The following MMS22L variants were observed in gnomAD, a reference collection of about 807,000 sequenced individuals.
MMS22L encodes MMS22 like, DNA repair protein.
Under a neutral mutation model 159.1 loss-of-function variants are expected in MMS22L, and 74 were observed. The observed-to-expected ratio is 0.47, with a 90% CI of 0.39 to 0.56. The LOEUF (loss-of-function observed/expected upper bound fraction) is 0.56. MMS22L is among the 20% of genes least tolerant of loss of function. The pLI is 0.00. For synonymous variants in MMS22L, 517 were observed against 506.9 expected (o/e 1.02, Z -0.27); for missense variants, 1,351 against 1,422.1 (o/e 0.95, Z 0.80).
intron 14 of MMS22L, among the ~76,000 whole-genome samples, chr6:97,188,090 C>T: frequency 6.6e-6 from 1 of 152,134 alleles, no homozygotes; most frequent in East Asian, 1.9e-4. Context: ...GGCTAGAGAA[C>T]CATTTCAGTT....
chr6:97,224,328 C>A (rs1809986886), intron 14 of MMS22L, among the ~76,000 whole-genome samples: 2 of 152,106 alleles, frequency 1.3e-5, no homozygotes, highest in South Asian at 4.1e-4. Context: ...TACATCATAA[C>A]TCACAATATA....
At chr6:97,206,903 A>G (rs1338825951) in intron 14 of MMS22L, among the ~76,000 whole-genome samples, 1 of 152,174 alleles carries the variant, frequency 6.6e-6, no homozygotes, top group Non-Finnish European at 1.5e-5. Flanking sequence ...GGCAATTTAA[A>G]AGTTTTAAGT....
In MMS22L at chr6:97,282,464, G is replaced by C; in HGVS notation, c.14C>G (p.Ser5Cys). The C allele has an allele frequency of 1.2e-6, 2 of 1,605,278 alleles. No individual in the cohort carries two copies. Among genetic ancestry groups the C allele is most frequent in the Non-Finnish European group, 1.7e-6 (2 of 1,175,174 alleles). ...GTCAGTCAGGAACGTCGATGCAGCA[G>C]AACAGTTCTCCATTGTTTACTTCAT... Reference protein sequence around the residue: MENCSAASTFLTDSL... With the variant: MENCCAASTFLTDSL... Residue 5 changes from serine (S) to cysteine (C), a missense_variant, in exon 2 of 25, where the codon TCT becomes TGT. Coordinates refer to ENST00000683635, the MANE Select transcript of MMS22L (RefSeq NM_001350599.2).
intron 8 of MMS22L, chr6:97,265,873 C>A (rs1815050488): frequency 6.6e-6 from 1 of 152,128 alleles, no homozygotes; most frequent in South Asian, 2.1e-4. Context: ...AGGCACGCAC[C>A]ACCATGCCCG....
intron 15 of MMS22L, among the ~76,000 whole-genome samples, chr6:97,182,669 G>C (rs1469600520): frequency 6.6e-6 from 1 of 152,088 alleles, no homozygotes; most frequent in East Asian, 1.9e-4. Context: ...TATTTATTAA[G>C]AACTCCTATG....
chr6:97,240,832 G>A (rs1811979960), intron 11 of MMS22L, among the ~76,000 whole-genome samples: 1 of 151,854 alleles, frequency 6.6e-6, no homozygotes, highest in African/African-American at 2.4e-5. Flanking sequence ...TCACCATGTT[G>A]GCCAGGCTGG....
chr6:97,167,950 G>T, intron 20 of MMS22L, 121 bp downstream of exon 20: 2 of 838,892 alleles, frequency 2.4e-6, no homozygotes, highest in Non-Finnish European at 1.8e-6. Context: ...CAATAAATGT[G>T]CCACACAAGC....
intron 14 of MMS22L, among the ~76,000 whole-genome samples, chr6:97,192,213 A>G (rs531869580): frequency 3.3e-5 from 5 of 149,776 alleles, no homozygotes; most frequent in Non-Finnish European, 4.4e-5. Flanking sequence ...TGGATGGATG[A>G]ATGAATGAAT....
chr6:97,196,819 T>C (rs1295439874), intron 14 of MMS22L, among the ~76,000 whole-genome samples: 1 of 152,128 alleles, frequency 6.6e-6, no homozygotes, highest in Non-Finnish European at 1.5e-5. Context: ...TTTGCACATA[T>C]ACGAATCTAT....
At chr6:97,203,767 C>T (rs886507855) in intron 14 of MMS22L, among the ~76,000 whole-genome samples, 3 of 152,180 alleles carry the variant, frequency 2.0e-5, no homozygotes, top group Non-Finnish European at 2.9e-5. Flanking sequence ...CCGATTATTA[C>T]AGGGTAACCA....
intron 11 of MMS22L, among the ~76,000 whole-genome samples, chr6:97,243,496 T>A (rs1490754238): frequency 6.6e-6 from 1 of 152,182 alleles, no homozygotes; most frequent in Non-Finnish European, 1.5e-5. Flanking sequence ...GTTATTATTT[T>A]TTAAATTTCT....
chr6:97,279,722 G>A (rs1339131355), intron 3 of MMS22L, among the ~76,000 whole-genome samples: 4 of 149,728 alleles, frequency 2.7e-5, no homozygotes, highest in Non-Finnish European at 5.9e-5. Context: ...GGAGGCGGAA[G>A]TTGCAGTGAG....
chr6:97,153,216 T>C (rs1801495305), intron 22 of MMS22L, among the ~76,000 whole-genome samples: 1 of 152,152 alleles, frequency 6.6e-6, no homozygotes, highest in Non-Finnish European at 1.5e-5. Context: ...TAAAGTATAC[T>C]GTTCGATGGC....
intron 9 of MMS22L, chr6:97,260,887 C>T (rs1325837565): frequency 6.6e-6 from 1 of 151,250 alleles, no homozygotes; most frequent in Non-Finnish European, 1.5e-5. Context: ...GGGTATGAGT[C>T]CTTTGATTTA....
At chr6:97,168,804 C>T (rs935543930) in intron 19 of MMS22L, among the ~76,000 whole-genome samples, 15 of 152,008 alleles carry the variant, frequency 9.9e-5, no homozygotes, top group African/African-American at 3.6e-4. Context: ...TTCAGGATTT[C>T]CCTTTCTGCT....
chr6:97,155,174 T>C (rs1801700317), intron 22 of MMS22L, among the ~76,000 whole-genome samples: 1 of 152,198 alleles, frequency 6.6e-6, no homozygotes, highest in African/African-American at 2.4e-5. Context: ...TCCTTTCACA[T>C]GGTATTATTA....
At chr6:97,150,290 T>C (rs916317409) in intron 23 of MMS22L, among the ~76,000 whole-genome samples, 39 of 152,068 alleles carry the variant, frequency 2.6e-4, no homozygotes, top group African/African-American at 8.7e-4. Flanking sequence ...GAAGAAGGGG[T>C]AAAAATCTAA....
chr6:97,203,358 A>C (rs1807388287), intron 14 of MMS22L, among the ~76,000 whole-genome samples: 1 of 152,122 alleles, frequency 6.6e-6, no homozygotes, highest in Non-Finnish European at 1.5e-5. Context: ...ACAGCGAGAC[A>C]AAGGGCTCTA....
intron 15 of MMS22L, among the ~76,000 whole-genome samples, chr6:97,183,462 T>C (rs1024015011): frequency 1.3e-5 from 2 of 152,312 alleles, no homozygotes; most frequent in Middle Eastern, 3.4e-3. Context: ...TTTACATTTA[T>C]GACTACAGAC....
Sources: gnomAD v4.1 joint callset for allele counts (sites outside exome capture counted in the v4.1 genomes callset) on GRCh38, gnomAD v4.1.1 for gene constraint, MANE v1.5 for transcripts, NCBI Gene and HGNC (gene_info 2026-07-23, HGNC 2026-07-21) for gene names.